Variants in DNER observed in about 807,000 individuals in gnomAD.
The protein encoded by DNER is delta and Notch-like epidermal growth factor-related receptor.
Under a neutral mutation model 78.2 loss-of-function variants are expected in DNER, and 33 were observed. The ratio of observed to expected loss-of-function variants is 0.42; its 90% CI spans 0.32 to 0.56. The LOEUF is 0.56. DNER is among the 20% of genes least tolerant of loss of function. The pLI, the probability that DNER is intolerant of heterozygous loss-of-function variation, is 0.11. For missense variants in DNER, 918 were observed against 975.3 expected (o/e 0.94, Z 0.78); for synonymous variants, 417 against 384.8 (o/e 1.08, Z -0.98).
intron 4 of DNER, among the ~76,000 whole-genome samples, chr2:229,566,643 A>C (rs1309925749): frequency 6.6e-6 from 1 of 152,132 alleles, no homozygotes; most frequent in Non-Finnish European, 1.5e-5. Flanking sequence ...CACTTGCTAG[A>C]GATCCAGAAA....
chr2:229,543,655 C>G (rs976588122), intron 5 of DNER, among the ~76,000 whole-genome samples: 1 of 152,160 alleles, frequency 6.6e-6, no homozygotes, highest in South Asian at 2.1e-4. Context: ...TCCTCCTCCC[C>G]GAAGGCTCAC....
intron 9 of DNER, among the ~76,000 whole-genome samples, chr2:229,416,694 T>G (rs1374814737): frequency 6.6e-6 from 1 of 152,170 alleles, no homozygotes; most frequent in African/African-American, 2.4e-5. Context: ...GAGTCATCAG[T>G]TCTCTCTGGA....
intron 1 of DNER, among the ~76,000 whole-genome samples, chr2:229,682,480 G>A (rs1466977806): frequency 1.3e-5 from 2 of 152,230 alleles, no homozygotes; most frequent in African/African-American, 4.8e-5. Flanking sequence ...TCTTCTTACT[G>A]ATATAATCAG....
intron 1 of DNER, among the ~76,000 whole-genome samples, chr2:229,667,040 GA>G (rs1426240871): frequency 1.3e-5 from 2 of 152,254 alleles, no homozygotes; most frequent in East Asian, 3.8e-4. Context: ...CATCGCTGGG[GA>G]GAAGTGACTG....
intron 11 of DNER, among the ~76,000 whole-genome samples, chr2:229,367,949 T>C (rs1002654939): frequency 3.3e-5 from 5 of 152,234 alleles, no homozygotes; most frequent in Non-Finnish European, 7.3e-5. Flanking sequence ...TATCACCTAT[T>C]CCATATTTAG....
intron 5 of DNER, among the ~76,000 whole-genome samples, chr2:229,536,793 G>T (rs1296635782): frequency 1.3e-5 from 2 of 152,170 alleles, no homozygotes; most frequent in Admixed American, 1.3e-4. Flanking sequence ...CTTAAAATCT[G>T]TAGCAAATGA....
At chr2:229,437,680 G>A (rs948365241) in intron 8 of DNER, among the ~76,000 whole-genome samples, 1 of 152,148 alleles carries the variant, frequency 6.6e-6, no homozygotes, top group African/African-American at 2.4e-5. Context: ...CACTAAGCCA[G>A]TCTTGTGGGA....
intron 6 of DNER, among the ~76,000 whole-genome samples, chr2:229,507,985 T>G (rs557515078): frequency 1.3e-5 from 2 of 152,336 alleles, no homozygotes; most frequent in South Asian, 4.1e-4. Flanking sequence ...TAACAAATTA[T>G]TAGTATCAAA....
At chr2:229,644,334 CTTTTTTT>C (rs5839345) in intron 1 of DNER, among the ~76,000 whole-genome samples, 4 of 97,536 alleles carry the variant, frequency 4.1e-5, no homozygotes, top group Admixed American at 2.3e-4. Flanking sequence ...CTTGCTTTCT[CTTTTTTT>C]TTTTTTTTTT....
chr2:229,378,531 G>A (rs899965765), intron 11 of DNER, among the ~76,000 whole-genome samples: 1 of 152,188 alleles, frequency 6.6e-6, no homozygotes, highest in African/African-American at 2.4e-5. Flanking sequence ...TGTGGCCTCT[G>A]AAGGCAGTGA....
chr2:229,647,714 A>G lies in DNER; in HGVS notation c.277-55826T>C, dbSNP rs143762367. Among the ~76,000 whole-genome samples the G allele has an allele frequency of 7.2e-5, 11 of 152,384 alleles. No individual in the cohort carries two copies. In the East Asian group the frequency reaches 2.1e-3, roughly 29 times the overall value. On this transcript the variant is annotated intron_variant, in intron 1 of 12. Transcript: ENST00000341772. ...GTTCAATGAATTACAATATATCTGG[A>G]TGACGAACTGTCAGTCAATGATTGA...
At chr2:229,552,421 C>G (rs1294811188) in intron 4 of DNER, among the ~76,000 whole-genome samples, 1 of 152,194 alleles carries the variant, frequency 6.6e-6, no homozygotes, top group Non-Finnish European at 1.5e-5. Flanking sequence ...TGTCCCCACC[C>G]AAATTTCATT....
At chr2:229,489,771 C>G (rs1695357869) in intron 6 of DNER, among the ~76,000 whole-genome samples, 1 of 151,998 alleles carries the variant, frequency 6.6e-6, no homozygotes, top group Admixed American at 6.5e-5. Context: ...GTGCAGTGCT[C>G]TGGAAGCCAG....
At chr2:229,544,514 T>C (rs1266287057) in intron 5 of DNER, among the ~76,000 whole-genome samples, 3 of 151,112 alleles carry the variant, frequency 2.0e-5, no homozygotes, top group East Asian at 3.9e-4. Context: ...TTAATTTTTA[T>C]TAAATATATT....
chr2:229,608,021 C>CAAAAAAAAAA (rs57795249), intron 1 of DNER, among the ~76,000 whole-genome samples: 1 of 86,274 alleles, frequency 1.2e-5, no homozygotes, highest in South Asian at 4.5e-4. Context: ...AACTCTGTCT[C>CAAAAAAAAAA]AAAAAAAAAA....
intron 1 of DNER, among the ~76,000 whole-genome samples, chr2:229,661,442 C>G (rs145608058): frequency 1.4e-4 from 1 of 7,126 alleles, no homozygotes; most frequent in Admixed American, 3.3e-3. Context: ...CTACCAAGAC[C>G]AGGAAATAGA....
intron 12 of DNER, 102 bp from the exon 13 acceptor site, chr2:229,358,753 T>G (rs1055311417): frequency 8.6e-6 from 8 of 926,400 alleles, no homozygotes; most frequent in Non-Finnish European, 1.1e-5. Flanking sequence ...TAAATGAAAC[T>G]GTAAAAACAT....
chr2:229,384,691 C>A (rs1274226493), intron 11 of DNER, among the ~76,000 whole-genome samples: 1 of 152,124 alleles, frequency 6.6e-6, no homozygotes, highest in South Asian at 2.1e-4. Context: ...GACACATACA[C>A]CCTCCCAAGA....
At chr2:229,629,655 A>G (rs952137006) in intron 1 of DNER, among the ~76,000 whole-genome samples, 1 of 152,216 alleles carries the variant, frequency 6.6e-6, no homozygotes, top group African/African-American at 2.4e-5. Flanking sequence ...GACTTGGAAA[A>G]TGGCAAACAA....
Sources: gnomAD v4.1 joint callset for allele counts (sites outside exome capture counted in the v4.1 genomes callset) on GRCh38, gnomAD v4.1.1 for gene constraint, MANE v1.5 for transcripts, NCBI Gene and HGNC (gene_info 2026-07-23, HGNC 2026-07-21) for gene names.